CELF2: variants seen among roughly 807,000 people sequenced by gnomAD.
CELF2 encodes the protein CUG triplet repeat RNA-binding protein 2.
A neutral mutation model predicts 62.6 loss-of-function variants in CELF2; 8 were observed. The observed-to-expected ratio is 0.13, with a 90% CI of 0.07 to 0.23. The LOEUF (loss-of-function observed/expected upper bound fraction) is 0.23, where lower values mean the gene tolerates loss of function less well. Among genes scored for constraint, CELF2 ranks in the 10% least tolerant of loss-of-function variants. The pLI is 1.00. For missense variants in CELF2, 333 were observed against 671.0 expected (o/e 0.50, Z 5.56); for synonymous variants, 258 against 250.0 (o/e 1.03, Z -0.30).
At chr10:11,322,451 A>T (rs2095491231) in intron 11 of CELF2, among the ~76,000 whole-genome samples, 1 of 152,242 alleles carries the variant, frequency 6.6e-6, no homozygotes, top group African/African-American at 2.4e-5. Flanking sequence ...AAGCTCCTTT[A>T]GAGCAAAATC....
At chr10:10,883,646 T>C (rs184933858) in intron 1 of CELF2, among the ~76,000 whole-genome samples, 33 of 152,202 alleles carry the variant, frequency 2.2e-4, no homozygotes, top group African/African-American at 7.7e-4. Flanking sequence ...GCCAGTGCTG[T>C]TGTTGGACTC....
chr10:11,297,415 G>C lies in CELF2; in HGVS notation c.976+8863G>C, dbSNP rs933994768. ...CACCAGCAAGGCAAGGCGGGGACCA[G>C]GTGCAGAAAGCCTTGGGGTCTGTGC... is the stretch of plus-strand genomic sequence containing the variant. On this transcript the variant is annotated intron_variant, in intron 9 of 12. Coordinates refer to ENST00000633077, the MANE Select transcript of CELF2 (RefSeq NM_001326342.2). This position sits in a 1 kb window ranked among gnomAD's most constrained non-coding sequence, Gnocchi z 4.4. 2.0e-5 allele frequency among the ~76,000 whole-genome samples: 3 copies of C among 152,134 alleles called. No homozygotes were observed. Among genetic ancestry groups the C allele is most frequent in the Non-Finnish European group, 4.4e-5 (3 of 68,040 alleles).
At chr10:11,074,569 A>G (rs1928725) in intron 1 of CELF2, among the ~76,000 whole-genome samples, 12 of 152,162 alleles carry the variant, frequency 7.9e-5, no homozygotes, top group Non-Finnish European at 1.3e-4. Context: ...TCACTATGGG[A>G]TAAATTACCT....
At chr10:11,162,120 G>A (rs150115585) in intron 1 of CELF2, among the ~76,000 whole-genome samples, 77 of 152,174 alleles carry the variant, frequency 5.1e-4, no homozygotes, top group South Asian at 8.3e-4. Context: ...GAGAGTGGTC[G>A]GTGGGACAGG....
chr10:11,241,896 T>C (rs1001822540), intron 3 of CELF2, among the ~76,000 whole-genome samples: 1 of 152,200 alleles, frequency 6.6e-6, no homozygotes, highest in East Asian at 1.9e-4. Context: ...CATTCCCAAA[T>C]TTTTTTAGAG....
the CELF2 span, among the ~76,000 whole-genome samples, chr10:10,618,207 C>T: frequency 6.6e-6 from 1 of 151,938 alleles, no homozygotes; most frequent in African/African-American, 2.4e-5. Context: ...AATTTGAGAC[C>T]GTCACTCCCC....
At chr10:10,683,553 C>T in the CELF2 span, among the ~76,000 whole-genome samples, 1 of 152,090 alleles carries the variant, frequency 6.6e-6, no homozygotes, top group African/African-American at 2.4e-5. Flanking sequence ...CAGACAGGCT[C>T]ATTCTCAAGG....
chr10:11,179,167 A>G (rs1209659947), intron 2 of CELF2, among the ~76,000 whole-genome samples: 1 of 152,192 alleles, frequency 6.6e-6, no homozygotes, highest in African/African-American at 2.4e-5. Flanking sequence ...TGTGTTCCAT[A>G]TGACCTTAAA....
At chr10:10,737,035 A>G in the CELF2 span, among the ~76,000 whole-genome samples, 1 of 152,014 alleles carries the variant, frequency 6.6e-6, no homozygotes, top group African/African-American at 2.4e-5. Context: ...AGCAGACCCT[A>G]TGACGGATGA....
At position 11,157,969 on chromosome 10, in the gene CELF2, C is replaced by G. The variant is rs2064887279; in HGVS notation, c.75-7517C>G. Among the ~76,000 whole-genome samples the G allele has an allele frequency of 6.6e-6, 1 of 152,202 alleles. No homozygotes were observed. The highest frequency in any genetic ancestry group is 6.5e-5 in the Admixed American group (1 of 15,272). ...CGTTTGCCCCCCTTGATGTGGGTCC[C>G]TTTAATCATTTGTTGTTGGACTGTG... On this transcript the variant is annotated intron_variant, in intron 1 of 12. Coordinates refer to ENST00000633077, the MANE Select transcript of CELF2 (RefSeq NM_001326342.2). The surrounding 1 kb of genome is among the most constrained non-coding windows in gnomAD (Gnocchi z 4.9).
chr10:11,225,043 A>G (rs1223333277), intron 3 of CELF2, among the ~76,000 whole-genome samples: 1 of 152,206 alleles, frequency 6.6e-6, no homozygotes, highest in Non-Finnish European at 1.5e-5. Context: ...CGTTTCAACC[A>G]TAAATGGTCA....
intron 1 of CELF2, among the ~76,000 whole-genome samples, chr10:10,805,840 C>T (rs536196171): frequency 6.6e-6 from 1 of 152,164 alleles, no homozygotes; most frequent in African/African-American, 2.4e-5. Flanking sequence ...ATTTGATCAC[C>T]TTGTGTTCAT....
chr10:11,060,305 G>A (rs551168358), intron 1 of CELF2, among the ~76,000 whole-genome samples: 8 of 152,320 alleles, frequency 5.3e-5, no homozygotes, highest in Admixed American at 1.3e-4. Context: ...TGCGTGCACC[G>A]TTCCCGGCAT....
the CELF2 span, among the ~76,000 whole-genome samples, chr10:10,759,958 T>C: frequency 6.6e-6 from 1 of 152,092 alleles, no homozygotes; most frequent in Non-Finnish European, 1.5e-5. Context: ...CAGGCTGGAG[T>C]GCAGTGATGC....
At chr10:11,040,536 G>A (rs1306981871) in intron 1 of CELF2, among the ~76,000 whole-genome samples, 2 of 152,210 alleles carry the variant, frequency 1.3e-5, no homozygotes, top group East Asian at 3.9e-4. Context: ...GCACTTCCAA[G>A]CAGTTCCTTG....
At chr10:10,529,620 G>T in the CELF2 span, among the ~76,000 whole-genome samples, 1 of 148,100 alleles carries the variant, frequency 6.8e-6, no homozygotes, top group African/African-American at 2.5e-5. Context: ...GAAGGCGGAG[G>T]TTGCAGTGAG....
intron 1 of CELF2, among the ~76,000 whole-genome samples, chr10:10,876,191 C>T (rs2061078513): frequency 6.6e-6 from 1 of 152,166 alleles, no homozygotes; most frequent in African/African-American, 2.4e-5. Context: ...AAGCACCAAA[C>T]TCAATGTCAG....
At chr10:11,006,680 G>A (rs976476610) in intron 1 of CELF2, among the ~76,000 whole-genome samples, 1 of 152,080 alleles carries the variant, frequency 6.6e-6, no homozygotes, top group Non-Finnish European at 1.5e-5. Context: ...GTAGATAAAC[G>A]GTTTAGAAAT....
intron 1 of CELF2, among the ~76,000 whole-genome samples, chr10:10,841,229 T>G (rs1383394106): frequency 6.6e-6 from 1 of 152,114 alleles, no homozygotes; most frequent in Non-Finnish European, 1.5e-5. Flanking sequence ...CTGGGTCAAA[T>G]GGTATTTCTG....
Sources: allele counts gnomAD v4.1 joint callset (sites outside exome capture counted in the v4.1 genomes callset), GRCh38; gene constraint gnomAD v4.1.1; non-coding constraint Gnocchi (gnomAD v3.1); transcripts MANE v1.5; gene names NCBI Gene and HGNC (gene_info 2026-07-23, HGNC 2026-07-21).